Variants in KCNH8 observed in about 807,000 individuals in gnomAD.
KCNH8 encodes the protein voltage-gated delayed rectifier potassium channel KCNH8.
In KCNH8, 70 loss-of-function variants were observed where a neutral mutation model predicts 103.6. The ratio of observed to expected loss-of-function variants is 0.68; its 90% confidence interval spans 0.56 to 0.82. KCNH8 has a LOEUF of 0.82. Among genes scored for constraint, KCNH8 ranks in the 40% least tolerant of loss-of-function variants. KCNH8 has a pLI of 0.00. For missense variants in KCNH8, 1,217 were observed against 1,329.9 expected (o/e 0.92, Z 1.32); for synonymous variants, 498 against 489.4 (o/e 1.02, Z -0.23).
At chr3:19,259,901 A>G (rs931119974) in intron 2 of KCNH8, among the ~76,000 whole-genome samples, 4 of 151,938 alleles carry the variant, frequency 2.6e-5, no homozygotes, top group African/African-American at 7.2e-5. Context: ...CAAGCTGGAT[A>G]TGTATGAAGC....
chr3:19,497,653 G>T, intron 11 of KCNH8, among the ~76,000 whole-genome samples: 1 of 152,210 alleles, frequency 6.6e-6, no homozygotes, highest in East Asian at 1.9e-4. Context: ...GTTATTTTAT[G>T]TCTGATTTTG....
At chr3:19,406,326 T>C (rs769840432) in intron 7 of KCNH8, among the ~76,000 whole-genome samples, 1 of 152,158 alleles carries the variant, frequency 6.6e-6, no homozygotes. Context: ...GCTATAGCCA[T>C]GAACTTTCAA....
intron 5 of KCNH8, among the ~76,000 whole-genome samples, chr3:19,359,497 C>T (rs1465455362): frequency 1.3e-5 from 2 of 151,896 alleles, no homozygotes; most frequent in Non-Finnish European, 2.9e-5. Context: ...AAAACGTGAT[C>T]GACACCTGAT....
At chr3:19,156,982 TAAAA>T (rs139952502) in intron 1 of KCNH8, among the ~76,000 whole-genome samples, 3,619 of 149,780 alleles carry the variant, frequency 0.024, 143 homozygotes, top group African/African-American at 0.082. Context: ...TTTTTTTTTT[TAAAA>T]AAAAGGTTTT....
chr3:19,290,097 G>A (rs924719783), intron 3 of KCNH8, among the ~76,000 whole-genome samples: 5 of 152,138 alleles, frequency 3.3e-5, no homozygotes, highest in Non-Finnish European at 5.9e-5. Context: ...CATTGATTTT[G>A]TATCCTGAGA....
At chr3:19,288,246 T>TACTTTA (rs1338556566) in intron 3 of KCNH8, among the ~76,000 whole-genome samples, 3 of 147,478 alleles carry the variant, frequency 2.0e-5, no homozygotes, top group Non-Finnish European at 4.5e-5. Context: ...TTTTTAATTA[T>TACTTTA]ACTTTAACTT....
intron 3 of KCNH8, among the ~76,000 whole-genome samples, chr3:19,321,071 C>G (rs1282363959): frequency 6.6e-6 from 1 of 151,834 alleles, no homozygotes; most frequent in Non-Finnish European, 1.5e-5. Context: ...TGGATCTTCT[C>G]TCTTCTTTTT....
At chr3:19,481,296 T>A (rs959639458) in intron 11 of KCNH8, among the ~76,000 whole-genome samples, 1 of 152,136 alleles carries the variant, frequency 6.6e-6, no homozygotes, top group Non-Finnish European at 1.5e-5. Context: ...ATAAGTAATA[T>A]CTTATCCTCC....
intron 7 of KCNH8, among the ~76,000 whole-genome samples, chr3:19,427,886 A>C (rs1364518717): frequency 6.6e-6 from 1 of 152,198 alleles, no homozygotes; most frequent in Non-Finnish European, 1.5e-5. Context: ...TCCTATTTGC[A>C]GGTGGAAGGA....
chr3:19,375,036 A>G (rs909962326), intron 5 of KCNH8, among the ~76,000 whole-genome samples: 3 of 151,592 alleles, frequency 2.0e-5, no homozygotes, highest in Non-Finnish European at 4.4e-5. Context: ...GCTGCCCTTA[A>G]CATTTTTTCC....
In KCNH8 at chr3:19,450,362, G is replaced by C. The variant is rs962246332; in HGVS notation, c.1575+57G>C. 2.2e-6 allele frequency: 3 copies of C among 1,362,966 alleles called. 1 individual carries two copies. In the South Asian group the frequency reaches 3.5e-5, roughly 16 times the overall value. The allele number at this position is 1,362,966 out of a possible 1,614,324, so 84.4% of individuals were successfully genotyped here. On this transcript the variant is annotated intron_variant, in intron 9 of 15. Transcript: ENST00000328405. ...AGAAAGCACATATTCTAAGGTAAAC[G>C]CAAGATGTTCTAATGCAGGTATCAG...
chr3:19,295,044 A>C lies in KCNH8; in HGVS notation c.442+13715A>C, dbSNP rs889571319. ...CCCTTTTTGGAATTTAATATTAAAA[A>C]ACTTTTTGCAATTAAATGACCAATT... On this transcript the variant is annotated intron_variant, in intron 3 of 15. Transcript: ENST00000328405. 5.3e-5 allele frequency among the ~76,000 whole-genome samples: 8 copies of C among 152,112 alleles called. 1 individual carries two copies. The highest frequency in any genetic ancestry group is 3.9e-4 in the Admixed American group (6 of 15,248).
intron 1 of KCNH8, among the ~76,000 whole-genome samples, chr3:19,226,552 A>ATCTC (rs147387395): frequency 6.9e-6 from 1 of 145,616 alleles, no homozygotes; most frequent in South Asian, 2.2e-4. Context: ...TTGCTCCACC[A>ATCTC]TCTCTCTCTC....
intron 1 of KCNH8, among the ~76,000 whole-genome samples, chr3:19,184,675 G>A (rs2063486119): frequency 1.3e-5 from 2 of 151,840 alleles, no homozygotes; most frequent in African/African-American, 2.4e-5. Context: ...AAAGGTAAAG[G>A]TAGTATTTGG....
chr3:19,527,139 A>C (rs1282402292), intron 15 of KCNH8, among the ~76,000 whole-genome samples: 1 of 151,912 alleles, frequency 6.6e-6, no homozygotes, highest in Admixed American at 6.6e-5. Flanking sequence ...CTTAATCTAC[A>C]TTTTCCAATG....
chr3:19,429,142 CAT>C (rs1431977692), intron 7 of KCNH8, among the ~76,000 whole-genome samples: 1 of 145,564 alleles, frequency 6.9e-6, no homozygotes, highest in Non-Finnish European at 1.5e-5. Context: ...TTTTTAAATG[CAT>C]ATGAGTCAGA....
chr3:19,437,009 A>T (rs144566417), intron 7 of KCNH8, among the ~76,000 whole-genome samples: 5 of 152,284 alleles, frequency 3.3e-5, no homozygotes, highest in Non-Finnish European at 7.4e-5. Flanking sequence ...GTCTCAAGGA[A>T]TTCCCAGCTG....
In KCNH8 at chr3:19,533,633, A is replaced by G. The variant is rs768204423; in HGVS notation, c.2858A>G (p.Asn953Ser). The G allele has an allele frequency of 4.3e-6, 7 of 1,614,056 alleles. No individual in the cohort carries two copies. Among genetic ancestry groups the G allele is most frequent in the African/African-American group, 1.3e-5 (1 of 74,918 alleles). The part of the protein sequence containing the change: ...AYTQAQLCSS[N>S]ITSDIWSVDP... ...ACCCAAGCACAACTTTGTAGCAGTAATATCACCTCAGACATTTGGAGTGTG... is the reference window on the plus strand; with the variant it reads ...ACCCAAGCACAACTTTGTAGCAGTAGTATCACCTCAGACATTTGGAGTGTG... The change falls in exon 16 of 16, where the codon AAT becomes AGT. Residue 953 changes from asparagine (N) to serine (S), a missense_variant. By Grantham distance (46) the Asn-to-Ser change is conservative. Transcript: ENST00000328405.
chr3:19,529,860 AATTG>A (rs2069130392), intron 15 of KCNH8, among the ~76,000 whole-genome samples: 1 of 152,094 alleles, frequency 6.6e-6, no homozygotes, highest in Admixed American at 6.6e-5. Flanking sequence ...CCCTAACATA[AATTG>A]ATTATTTCCC....
Sources: allele counts gnomAD v4.1 joint callset (sites outside exome capture counted in the v4.1 genomes callset), GRCh38; gene constraint gnomAD v4.1.1; transcripts MANE v1.5; gene names NCBI Gene and HGNC (gene_info 2026-07-23, HGNC 2026-07-21).